MALRD1: variants seen among roughly 807,000 people sequenced by gnomAD.
MALRD1 encodes the protein MAM and LDL-receptor class A domain-containing protein 1.
Under a neutral mutation model 242.1 loss-of-function variants are expected in MALRD1, and 247 were observed. The ratio of observed to expected loss-of-function variants is 1.02; its 90% CI spans 0.92 to 1.13. The LOEUF is 1.13. MALRD1 is among the 50% of genes most tolerant of loss of function. MALRD1 has a pLI of 0.00. For missense variants in MALRD1, 2,989 were observed against 2,533.1 expected (o/e 1.18, Z -3.86); for synonymous variants, 995 against 866.6 (o/e 1.15, Z -2.60).
chr10:19,448,482 C>A lies in MALRD1; in HGVS notation c.4846-1825C>A, dbSNP rs181103975. Among the ~76,000 whole-genome samples, 559 of 151,650 alleles carry A rather than the reference C, an allele frequency of 3.7e-3. 3 individuals are homozygous for A. Among genetic ancestry groups the A allele is most frequent in the Non-Finnish European group, 6.9e-3 (469 of 67,960 alleles). On this transcript the variant is annotated intron_variant, in intron 28 of 39. Transcript: ENST00000454679. ...TATCCATCATTATGATTTGTTAAAT[C>A]ATCTAGTTCCCAGAAAGGGCTAGAC...
At chr10:19,446,716 AG>A (rs1332417159) in intron 28 of MALRD1, among the ~76,000 whole-genome samples, 1 of 152,234 alleles carries the variant, frequency 6.6e-6, no homozygotes, top group African/African-American at 2.4e-5. Context: ...ATTTGGAAAA[AG>A]GTTAAATTAT....
At chr10:19,237,953 A>ATAAATAATTTTATATAGTTATATATAAT (rs1564491323) in intron 18 of MALRD1, among the ~76,000 whole-genome samples, 1,436 of 50,564 alleles carry the variant, frequency 0.028, 120 homozygotes, top group East Asian at 0.069. Context: ...TATATAAATT[A>ATAAATAATTTTATATAGTTATATATAAT]TATGTAATTT....
rs1050921112 is a variant in MALRD1, at chr10:19,203,641, T to C, written c.1952-87T>C. 4 of 1,316,408 alleles carry C rather than the reference T, an allele frequency of 3.0e-6. No individual in the cohort carries two copies. In the African/African-American group the frequency reaches 6.0e-5, roughly 20 times the overall value. The allele number at this position is 1,316,408 out of a possible 1,614,324, so 81.5% of individuals were successfully genotyped here. ...CCTTCATGTGCATACAGAAGCATAA[T>C]AAGGTGAATTCTATTTGAGCTCTGC... On this transcript the variant is annotated intron_variant, in intron 14 of 39. Transcript: ENST00000454679.
At chr10:19,426,905 A>G (rs1833924443) in intron 28 of MALRD1, among the ~76,000 whole-genome samples, 1 of 152,172 alleles carries the variant, frequency 6.6e-6, no homozygotes, top group Non-Finnish European at 1.5e-5. Context: ...GTCTCATAAC[A>G]CTTTTCTAAT....
chr10:19,113,786 A>G (rs1266730802), intron 5 of MALRD1, among the ~76,000 whole-genome samples: 1 of 116,902 alleles, frequency 8.6e-6, no homozygotes, highest in Non-Finnish European at 1.8e-5. Flanking sequence ...TGCCACTACC[A>G]CCCCCTACAC....
intron 36 of MALRD1, among the ~76,000 whole-genome samples, chr10:19,677,205 G>A (rs1412355193): frequency 6.6e-6 from 1 of 152,038 alleles, no homozygotes; most frequent in Non-Finnish European, 1.5e-5. Flanking sequence ...TGGGTAAAAT[G>A]GTATTTCTGG....
intron 21 of MALRD1, among the ~76,000 whole-genome samples, chr10:19,309,276 A>G (rs1362331901): frequency 1.3e-5 from 2 of 151,478 alleles, no homozygotes; most frequent in East Asian, 3.9e-4. Context: ...CCTTTTATTC[A>G]GAGTCTTTAA....
intron 1 of MALRD1, among the ~76,000 whole-genome samples, chr10:19,052,664 C>G (rs1217792963): frequency 9.2e-5 from 14 of 152,276 alleles, no homozygotes; most frequent in Admixed American, 9.1e-4. Flanking sequence ...AGGTTGCAGC[C>G]TGTAGGACTG....
chr10:19,730,408 A>G (rs1385215139), intron 38 of MALRD1, among the ~76,000 whole-genome samples: 2 of 152,182 alleles, frequency 1.3e-5, no homozygotes, highest in Non-Finnish European at 2.9e-5. Flanking sequence ...GCACTGAGTA[A>G]TATTTTAAGA....
chr10:19,620,729 A>C (rs1267443139), intron 36 of MALRD1, among the ~76,000 whole-genome samples: 1 of 152,060 alleles, frequency 6.6e-6, no homozygotes, highest in East Asian at 1.9e-4. Flanking sequence ...CTGAGATTGC[A>C]AGAGTTATTT....
chr10:19,077,710 G>T (rs1056506889), intron 2 of MALRD1, among the ~76,000 whole-genome samples: 1 of 151,870 alleles, frequency 6.6e-6, no homozygotes, highest in African/African-American at 2.4e-5. Flanking sequence ...AGTAACTGAT[G>T]ACCTGCTGGA....
Position 19,704,229 on chromosome 10 carries a change from G to A in MALRD1, c.6314+11675G>A, listed in dbSNP as rs12243421. On this transcript the variant is annotated intron_variant, in intron 38 of 39. Coordinates refer to ENST00000454679, the MANE Select transcript of MALRD1 (RefSeq NM_001142308.3). Reference sequence around the variant, plus strand: ...TCTAAGTAATTTCATAGAATCGTAAGTCAGTTTGGGCTATTGCAACAAAAT... The same window carrying A: ...TCTAAGTAATTTCATAGAATCGTAAATCAGTTTGGGCTATTGCAACAAAAT... Among the ~76,000 whole-genome samples the A allele has an allele frequency of 8.4e-3, 1,282 of 152,228 alleles. 17 individuals carry two copies. The highest frequency in any genetic ancestry group is 0.028 in the African/African-American group (1,168 of 41,534).
At chr10:19,341,486 A>ATATATATGTATATATGTATATATATGTG (rs1564577104) in intron 24 of MALRD1, among the ~76,000 whole-genome samples, 7 of 16,086 alleles carry the variant, frequency 4.4e-4, no homozygotes, top group Admixed American at 2.6e-3. Flanking sequence ...ATATATGTGT[A>ATATATATGTATATATGTATATATATGTG]TATATATGTA....
Position 19,607,774 on chromosome 10 carries a change from C to G in MALRD1, c.5945-3C>G, listed in dbSNP as rs774590897. The stretch of plus-strand genomic sequence containing the variant: ...CCTGATCATTATTCTTTTTTTTTTG[C>G]AGCCAACAAAAGCTGTTCTAATGGA... On this transcript the variant is annotated splice_polypyrimidine_tract_variant and splice_region_variant and intron_variant, in intron 34 of 39. Coordinates refer to ENST00000454679, the MANE Select transcript of MALRD1 (RefSeq NM_001142308.3). 112 of 1,530,324 alleles carry G rather than the reference C, an allele frequency of 7.3e-5. 1 individual carries two copies. Among genetic ancestry groups the G allele is most frequent in the Non-Finnish European group, 9.3e-5 (106 of 1,140,354 alleles). 94.8% of individuals were successfully genotyped at this position (1,530,324 alleles called of 1,614,324 possible). A position where few individuals can be genotyped will look rare whatever the true frequency, so the allele number is the denominator to read the frequency against.
chr10:19,146,208 C>T lies in MALRD1; in HGVS notation c.1422C>T (p.Leu474=). 1 of 1,231,684 alleles carries T rather than the reference C, an allele frequency of 8.1e-7. No homozygotes were observed. The highest frequency in any genetic ancestry group is 4.1e-5 in the South Asian group (1 of 24,312). 76.3% of individuals were successfully genotyped at this position (1,231,684 alleles called of 1,614,324 possible). A position where few individuals can be genotyped will look rare whatever the true frequency, so the allele number is the denominator to read the frequency against. Residue 474 remains leucine, a synonymous_variant, in exon 11 of 40, where the codon CTC becomes CTT. Transcript: ENST00000454679. The stretch of plus-strand genomic sequence containing the variant: ...TTCTACGTGTAACAGCAAAGCATCT[C>T]ACCTGTGACTTTGAGTCGGGTTTCT... ...DEDPATCSKH[L]TCDFESGFCG...
chr10:19,114,613 C>CT (rs1836805417), intron 5 of MALRD1, among the ~76,000 whole-genome samples: 1 of 152,050 alleles, frequency 6.6e-6, no homozygotes, highest in Non-Finnish European at 1.5e-5. Context: ...AAAAAAGACT[C>CT]TGTCCTGGAA....
chr10:19,496,681 A>G (rs1339788160), intron 30 of MALRD1, among the ~76,000 whole-genome samples: 3 of 152,188 alleles, frequency 2.0e-5, no homozygotes, highest in Non-Finnish European at 2.9e-5. Flanking sequence ...ACATCTGCAT[A>G]AAAGTGTGAA....
intron 29 of MALRD1, among the ~76,000 whole-genome samples, chr10:19,459,709 C>G (rs1242769853): frequency 6.6e-6 from 1 of 151,772 alleles, no homozygotes; most frequent in African/African-American, 2.4e-5. Flanking sequence ...TGCTTTATCT[C>G]TCAATAAAAT....
intron 2 of MALRD1, among the ~76,000 whole-genome samples, chr10:19,087,466 G>C (rs1282685025): frequency 1.3e-5 from 2 of 151,806 alleles, no homozygotes; most frequent in Middle Eastern, 3.4e-3. Context: ...TATTAATCTA[G>C]TGAGGATGTG....
Sources: allele counts gnomAD v4.1 joint callset (sites outside exome capture counted in the v4.1 genomes callset), GRCh38; gene constraint gnomAD v4.1.1; transcripts MANE v1.5; gene names NCBI Gene and HGNC (gene_info 2026-07-23, HGNC 2026-07-21).